The following DLG1 variants were observed in gnomAD, a reference collection of about 807,000 sequenced individuals.
The protein encoded by DLG1 is discs large MAGUK scaffold protein 1.
Under a neutral mutation model 123.4 loss-of-function variants are expected in DLG1, and 42 were observed. The ratio of observed to expected loss-of-function variants is 0.34; its 90% CI spans 0.27 to 0.44. DLG1 has a LOEUF of 0.44. Ranked by LOEUF, DLG1 falls within the 20% of genes least tolerant of loss-of-function variation. The pLI is 1.00. For synonymous variants in DLG1, 317 were observed against 356.2 expected (o/e 0.89, Z 1.24); for missense variants, 942 against 1,082.6 (o/e 0.87, Z 1.82).
rs991722017 is a variant in DLG1 at position 197,230,437 on chromosome 3, T to C, written c.319-35848A>G. Among the ~76,000 whole-genome samples the C allele has an allele frequency of 3.3e-5, 5 of 152,292 alleles. No individual in the cohort carries two copies. In the South Asian group the frequency reaches 8.3e-4, roughly 25 times the overall value. ...GTCACATTAACTGGAGATCAAACAA[T>C]ATAGTAAAAACATCCAACTATTTAG... On this transcript the variant is annotated intron_variant, in intron 4 of 24. Coordinates refer to ENST00000667157, the MANE Select transcript of DLG1 (RefSeq NM_001366207.1).
At chr3:197,231,305 C>G (rs1223881705) in intron 4 of DLG1, among the ~76,000 whole-genome samples, 2 of 152,180 alleles carry the variant, frequency 1.3e-5, no homozygotes, top group Admixed American at 6.5e-5. Flanking sequence ...ATCAATTTGT[C>G]TGGCAAAGAA....
intron 5 of DLG1, among the ~76,000 whole-genome samples, chr3:197,177,864 T>C (rs1449124295): frequency 1.3e-5 from 2 of 152,098 alleles, no homozygotes; most frequent in Non-Finnish European, 2.9e-5. Context: ...AGAGAACTAT[T>C]ACAATGCTAA....
intron 5 of DLG1, among the ~76,000 whole-genome samples, chr3:197,166,683 A>C (rs1317077536): frequency 6.6e-6 from 1 of 152,164 alleles, no homozygotes; most frequent in Non-Finnish European, 1.5e-5. Context: ...TGAGGTCAGG[A>C]GTTTGAGACC....
intron 10 of DLG1, among the ~76,000 whole-genome samples, chr3:197,131,132 T>C (rs1268350609): frequency 6.6e-6 from 1 of 152,202 alleles, no homozygotes; most frequent in Non-Finnish European, 1.5e-5. Context: ...TGTGGCTATA[T>C]CATAATTTAT....
intron 8 of DLG1, 113 bp downstream of exon 8, chr3:197,140,027 C>T (rs1787195143): frequency 7.6e-6 from 9 of 1,190,604 alleles, no homozygotes; most frequent in East Asian, 2.4e-5. Flanking sequence ...AGCATCTACC[C>T]TATGCTAGTT....
At chr3:197,274,653 T>C (rs1765551484) in intron 4 of DLG1, among the ~76,000 whole-genome samples, 1 of 152,062 alleles carries the variant, frequency 6.6e-6, no homozygotes, top group Non-Finnish European at 1.5e-5. Context: ...AAAGATCCTG[T>C]ACAGCAAAGG....
chr3:197,095,041 C>T (rs1340120104), intron 14 of DLG1, among the ~76,000 whole-genome samples: 2 of 152,122 alleles, frequency 1.3e-5, no homozygotes, highest in East Asian at 3.8e-4. Flanking sequence ...TCCTAGGAGA[C>T]TCCTATTACA....
chr3:197,189,929 T>C (rs1235294419), intron 5 of DLG1, among the ~76,000 whole-genome samples: 3 of 152,238 alleles, frequency 2.0e-5, no homozygotes, highest in Non-Finnish European at 4.4e-5. Context: ...TTAGAACTGA[T>C]GATAAAGGAC....
At chr3:197,200,927 T>C (rs991324085) in intron 4 of DLG1, among the ~76,000 whole-genome samples, 1 of 152,060 alleles carries the variant, frequency 6.6e-6, no homozygotes, top group African/African-American at 2.4e-5. Flanking sequence ...ACTGGAACAA[T>C]ACCGGAATAC....
intron 4 of DLG1, among the ~76,000 whole-genome samples, chr3:197,200,600 G>A (rs750115936): frequency 3.3e-5 from 5 of 152,046 alleles, no homozygotes; most frequent in Non-Finnish European, 7.4e-5. Context: ...AATCGAACCC[G>A]ACAGCACCAT....
At chr3:197,087,387 A>G (rs1318304675) in intron 15 of DLG1, among the ~76,000 whole-genome samples, 1 of 151,494 alleles carries the variant, frequency 6.6e-6, no homozygotes, top group African/African-American at 2.4e-5. Flanking sequence ...AAAACCCCAC[A>G]AGACTCAGGT....
intron 5 of DLG1, among the ~76,000 whole-genome samples, chr3:197,173,207 T>C (rs1805155487): frequency 6.6e-6 from 1 of 152,186 alleles, no homozygotes; most frequent in African/African-American, 2.4e-5. Flanking sequence ...CTTCTCCGTA[T>C]CTCTAGATTC....
intron 15 of DLG1, among the ~76,000 whole-genome samples, chr3:197,087,441 G>A (rs1321465711): frequency 6.6e-6 from 1 of 151,924 alleles, no homozygotes; most frequent in Non-Finnish European, 1.5e-5. Context: ...AGCTACTTGG[G>A]ATGTTAAGGT....
intron 13 of DLG1, among the ~76,000 whole-genome samples, chr3:197,110,491 A>G (rs1283675599): frequency 6.6e-6 from 1 of 152,156 alleles, no homozygotes; most frequent in Non-Finnish European, 1.5e-5. Flanking sequence ...AGCATGTTCA[A>G]TGTCTGACCT....
At chr3:197,223,933 C>T (rs1458662672) in intron 4 of DLG1, among the ~76,000 whole-genome samples, 3 of 152,166 alleles carry the variant, frequency 2.0e-5, no homozygotes, top group African/African-American at 7.2e-5. Context: ...TATATTTCTA[C>T]ACGTCTCTTG....
intron 5 of DLG1, among the ~76,000 whole-genome samples, chr3:197,155,609 T>C (rs1199330344): frequency 6.6e-6 from 1 of 151,772 alleles, no homozygotes; most frequent in Non-Finnish European, 1.5e-5. Flanking sequence ...GAAGAGACCA[T>C]TACATTTTCA....
In DLG1 at chr3:197,100,425, C is replaced by T. The variant is rs145768312; in HGVS notation, c.1546+4478G>A. Among the ~76,000 whole-genome samples, 784 of 151,728 alleles carry T rather than the reference C, an allele frequency of 5.2e-3. 7 individuals are homozygous for T. The highest frequency in any genetic ancestry group is 0.018 in the African/African-American group (738 of 41,338). On this transcript the variant is annotated intron_variant, in intron 14 of 24. Coordinates refer to ENST00000667157, the MANE Select transcript of DLG1 (RefSeq NM_001366207.1). Reference sequence around the variant, plus strand: ...ATGCCACCAAACAGTTTTTTTCTTGCGAAAATAAAATATGTCACAAATATA... The same window carrying T: ...ATGCCACCAAACAGTTTTTTTCTTGTGAAAATAAAATATGTCACAAATATA...
intron 18 of DLG1, among the ~76,000 whole-genome samples, chr3:197,072,694 AC>A (rs1294785972): frequency 1.2e-4 from 18 of 148,258 alleles, no homozygotes; most frequent in South Asian, 6.4e-4. Flanking sequence ...AAAAAAAAAA[AC>A]AAAAAAACAA....
At chr3:197,183,194 G>A (rs2150152367) in intron 5 of DLG1, among the ~76,000 whole-genome samples, 2 of 152,062 alleles carry the variant, frequency 1.3e-5, no homozygotes, top group South Asian at 4.2e-4. Flanking sequence ...TCTCCCTAAG[G>A]TTATCTAATA....
Sources: allele counts gnomAD v4.1 joint callset (sites outside exome capture counted in the v4.1 genomes callset), GRCh38; gene constraint gnomAD v4.1.1; transcripts MANE v1.5; gene names NCBI Gene and HGNC (gene_info 2026-07-23, HGNC 2026-07-21).